The following RBM33 variants were observed in gnomAD, a reference collection of about 807,000 sequenced individuals.
RBM33 encodes the protein RNA-binding protein 33.
RBM33 carries 28 observed loss-of-function variants against 132.6 expected under a neutral mutation model. The ratio of observed to expected loss-of-function variants is 0.21; its 90% CI spans 0.16 to 0.29. The LOEUF is 0.29. Ranked by LOEUF, RBM33 falls within the 10% of genes least tolerant of loss-of-function variation. The pLI is 1.00. For synonymous variants in RBM33, 634 were observed against 593.0 expected, an observed-to-expected ratio of 1.07 and a Z score of -1.01; for missense variants, 1,291 against 1,518.5, an observed-to-expected ratio of 0.85 and a Z score of 2.49.
chr7:155,747,293 C>T (rs1585523257), intron 14 of RBM33, among the ~76,000 whole-genome samples: 1 of 152,248 alleles, frequency 6.6e-6, no homozygotes, highest in East Asian at 1.9e-4. Flanking sequence ...TTGCTTTTGA[C>T]CTTGTTTTTA....
rs367610699 is a variant in RBM33, at chr7:155,768,675, G to C, written c.3375+2020G>C. Among the ~76,000 whole-genome samples the C allele has an allele frequency of 1.8e-4, 27 of 152,346 alleles. No individual in the cohort carries two copies. In the South Asian group the frequency reaches 5.4e-3, roughly 30 times the overall value. On this transcript the variant is annotated intron_variant, in intron 16 of 17. Transcript: ENST00000401878. ...TCTGTCGCCCAGGCTGGAATGCAGT[G>C]GTGCGATCTGGGCTCACCGCAACCT...
intron 7 of RBM33, among the ~76,000 whole-genome samples, chr7:155,709,958 A>G (rs944641083): frequency 6.6e-6 from 1 of 152,140 alleles, no homozygotes; most frequent in Non-Finnish European, 1.5e-5. Context: ...TTGTCAGACT[A>G]TGGCTTTTCC....
At chr7:155,690,224 A>T (rs1799595961) in intron 5 of RBM33, among the ~76,000 whole-genome samples, 1 of 152,170 alleles carries the variant, frequency 6.6e-6, no homozygotes, top group Non-Finnish European at 1.5e-5. Context: ...CCATTATGTA[A>T]TGCCCTTCTT....
chr7:155,674,954 A>G (rs964310668), intron 3 of RBM33, among the ~76,000 whole-genome samples: 3 of 152,252 alleles, frequency 2.0e-5, no homozygotes, highest in Non-Finnish European at 4.4e-5. Flanking sequence ...AGATGTAAAC[A>G]GTCGTGACTA....
intron 5 of RBM33, among the ~76,000 whole-genome samples, chr7:155,689,050 C>T (rs571548541): frequency 3.3e-3 from 500 of 152,282 alleles, no homozygotes; most frequent in Middle Eastern, 6.8e-3. Flanking sequence ...AGTAATGGTA[C>T]CAGCTCCTCC....
intron 1 of RBM33, among the ~76,000 whole-genome samples, chr7:155,649,120 C>A (rs941389284): frequency 6.6e-6 from 1 of 152,242 alleles, no homozygotes; most frequent in Admixed American, 6.5e-5. Flanking sequence ...CTGGGACTCC[C>A]ATAATGCATA....
chr7:155,732,387 T>C (rs1039672439), intron 9 of RBM33, among the ~76,000 whole-genome samples: 1 of 152,274 alleles, frequency 6.6e-6, no homozygotes, highest in Admixed American at 6.5e-5. Flanking sequence ...TAAAAGTACA[T>C]TTTACTCTTC....
At chr7:155,738,494 T>G (rs1231606184) in intron 11 of RBM33, 91 bp downstream of exon 11, 12 of 1,234,510 alleles carry the variant, frequency 9.7e-6, no homozygotes. Flanking sequence ...TTGAGCCTAC[T>G]AATTTGTGGT....
At chr7:155,717,027 A>G (rs991148983) in intron 8 of RBM33, among the ~76,000 whole-genome samples, 4 of 152,206 alleles carry the variant, frequency 2.6e-5, no homozygotes, top group African/African-American at 7.2e-5. Flanking sequence ...TTGAGTAATC[A>G]TAGTAAAAAA....
At chr7:155,670,369 C>A (rs1355263365) in intron 2 of RBM33, among the ~76,000 whole-genome samples, 2 of 152,190 alleles carry the variant, frequency 1.3e-5, no homozygotes, top group Non-Finnish European at 2.9e-5. Context: ...CAGATGGAGA[C>A]CAGTCATTTC....
At chr7:155,735,693 CTCTCTCTCTCTCTCTCTCTCTCTCTG>C (rs1335859055) in intron 9 of RBM33, among the ~76,000 whole-genome samples, 2 of 152 alleles carry the variant, frequency 0.013, no homozygotes, top group Non-Finnish European at 0.05. Context: ...AAGACCCTGT[CTCTCTCTCTCTCTCTCTCTCTCTCTG>C]TCTCTCTCTC....
intron 5 of RBM33, among the ~76,000 whole-genome samples, chr7:155,687,510 G>A (rs1439396681): frequency 1.3e-5 from 2 of 152,110 alleles, no homozygotes; most frequent in Non-Finnish European, 2.9e-5. Context: ...TTTGGCTTTT[G>A]TTGCCATTGC....
At chr7:155,646,883 T>C (rs1424541272) in intron 1 of RBM33, among the ~76,000 whole-genome samples, 2 of 152,228 alleles carry the variant, frequency 1.3e-5, no homozygotes, top group Non-Finnish European at 2.9e-5. Context: ...ATAGCATGTG[T>C]TCAACAAACA....
At chr7:155,751,839 A>C (rs1185465430) in intron 14 of RBM33, among the ~76,000 whole-genome samples, 1 of 152,186 alleles carries the variant, frequency 6.6e-6, no homozygotes, top group Non-Finnish European at 1.5e-5. Flanking sequence ...GACTATGTAA[A>C]TATCCCATTT....
At position 155,701,175 on chromosome 7, in the gene RBM33, T is replaced by A. The variant is rs5888633; in HGVS notation, c.739+231T>A. ...GCTTGAATAAAATGTTTAAGATAAT[T>A]AAAAAAAATTTTTTTTTGAGTCTGT... On this transcript the variant is annotated intron_variant, in intron 6 of 17. Coordinates refer to ENST00000401878, the MANE Select transcript of RBM33 (RefSeq NM_053043.3). 33 of 541,780 alleles carry A rather than the reference T, an allele frequency of 6.1e-5. No homozygotes were observed. The Admixed American group carries it at 6.7e-4, about 11-fold the overall frequency. The allele number at this position is 541,780 out of a possible 1,614,324, so 33.6% of individuals were successfully genotyped here.
At chr7:155,754,475 G>T (rs1170861486) in intron 14 of RBM33, among the ~76,000 whole-genome samples, 1 of 152,212 alleles carries the variant, frequency 6.6e-6, no homozygotes, top group African/African-American at 2.4e-5. Context: ...TGTGTGGCTG[G>T]AAGAGCTAGA....
intron 9 of RBM33, among the ~76,000 whole-genome samples, chr7:155,736,994 A>C (rs776595303): frequency 2.4e-4 from 36 of 152,212 alleles, no homozygotes; most frequent in Non-Finnish European, 4.7e-4. Flanking sequence ...ATGTGTGGTC[A>C]TGTCTTGTGT....
In RBM33 at chr7:155,710,981, A is replaced by G. The variant is rs1800269013; in HGVS notation, c.949-222A>G. Reference sequence around the variant, plus strand: ...TTCCCTCTTGCGTGGGGATTGACTCAATTGTGAGACTGTAGCCCTCATTGT... The same window carrying G: ...TTCCCTCTTGCGTGGGGATTGACTCGATTGTGAGACTGTAGCCCTCATTGT... On this transcript the variant is annotated intron_variant, in intron 7 of 17. Transcript: ENST00000401878. 1.3e-5 allele frequency among the ~76,000 whole-genome samples: 2 copies of G among 151,128 alleles called. 1 individual carries two copies. Among genetic ancestry groups the G allele is most frequent in the Admixed American group, 1.3e-4 (2 of 15,180 alleles).
chr7:155,710,681 C>A (rs1159250406), intron 7 of RBM33, among the ~76,000 whole-genome samples: 2 of 152,160 alleles, frequency 1.3e-5, no homozygotes, highest in East Asian at 3.8e-4. Flanking sequence ...TCAGGTGTCA[C>A]CCTCTCAGAG....
Sources: allele counts gnomAD v4.1 joint callset (sites outside exome capture counted in the v4.1 genomes callset), GRCh38; gene constraint gnomAD v4.1.1; transcripts MANE v1.5; gene names NCBI Gene and HGNC (gene_info 2026-07-23, HGNC 2026-07-21).